Variants in DOCK8 observed in about 807,000 individuals in gnomAD.
DOCK8 encodes dedicator of cytokinesis 8.
A neutral mutation model predicts 245.6 loss-of-function variants in DOCK8; 141 were observed. That is an observed-to-expected ratio of 0.57 (90% confidence interval 0.50 to 0.66). The LOEUF is 0.66. Ranked by LOEUF, DOCK8 falls within the 30% of genes least tolerant of loss-of-function variation. DOCK8 has a pLI of 0.00. For missense variants in DOCK8, 2,965 were observed against 2,603.4 expected, an observed-to-expected ratio of 1.14 and a Z score of -3.02; for synonymous variants, 1,168 against 970.2, an observed-to-expected ratio of 1.20 and a Z score of -3.79.
chr9:388,806 G>A (rs986160386), intron 23 of DOCK8, among the ~76,000 whole-genome samples: 14 of 151,788 alleles, frequency 9.2e-5, no homozygotes, highest in African/African-American at 3.2e-4. Flanking sequence ...CTGCCTCCTC[G>A]GCCTCCCAAA....
At chr9:230,013 C>A (rs1258873437) in intron 1 of DOCK8, among the ~76,000 whole-genome samples, 1 of 151,344 alleles carries the variant, frequency 6.6e-6, no homozygotes, top group African/African-American at 2.4e-5. Context: ...ATTAACTCAT[C>A]ATTTAGCATT....
chr9:382,278 A>C (rs1228700396), intron 21 of DOCK8, among the ~76,000 whole-genome samples: 1 of 152,124 alleles, frequency 6.6e-6, no homozygotes, highest in Non-Finnish European at 1.5e-5. Context: ...CCTTTGTAAG[A>C]GGCATGTGTT....
chr9:389,572 C>T (rs1482221522), intron 23 of DOCK8, among the ~76,000 whole-genome samples: 1 of 150,954 alleles, frequency 6.6e-6, no homozygotes, highest in Non-Finnish European at 1.5e-5. Flanking sequence ...AGACAGTGGT[C>T]CCTAAAGTGT....
chr9:272,536 C>T (rs2048191427), intron 2 of DOCK8, among the ~76,000 whole-genome samples: 2 of 152,144 alleles, frequency 1.3e-5, no homozygotes, highest in African/African-American at 2.4e-5. Context: ...CAGGCGCATG[C>T]CACCACACCT....
upstream of DOCK8, chr9:213,486 ATTAACT>A (rs1345804616): frequency 6.6e-6 from 1 of 152,234 alleles, no homozygotes; most frequent in Non-Finnish European, 1.5e-5. Context: ...AACAGGTGAA[ATTAACT>A]TTAATAATAT....
chr9:285,707 C>G (rs1450588290), intron 2 of DOCK8, among the ~76,000 whole-genome samples: 2 of 152,114 alleles, frequency 1.3e-5, no homozygotes, highest in Non-Finnish European at 2.9e-5. Context: ...CCATCAATTT[C>G]TATTATTTCT....
chr9:341,033 A>G (rs1164172494), intron 14 of DOCK8, among the ~76,000 whole-genome samples: 2 of 152,262 alleles, frequency 1.3e-5, no homozygotes, highest in Non-Finnish European at 2.9e-5. Flanking sequence ...ATTTACAGCA[A>G]TAACATAATA....
chr9:267,815 G>A (rs958132162), intron 1 of DOCK8, among the ~76,000 whole-genome samples: 2 of 152,044 alleles, frequency 1.3e-5, no homozygotes, highest in African/African-American at 4.8e-5. Flanking sequence ...GGATGCTTTG[G>A]TTATTTCTAA....
rs752581736 is a variant in DOCK8, at chr9:325,674, C to T, written c.831C>T (p.Phe277=). 3.2e-5 allele frequency: 51 copies of T among 1,613,512 alleles called. No individual in the cohort carries two copies. Among genetic ancestry groups the T allele is most frequent in the East Asian group, 1.1e-4 (5 of 44,870 alleles). ...TTTTCCTCTCTTTCTATGGTAGGTT[C>T]GAGATTGAAATTGAGCCCCTGTTTG... The part of the protein sequence containing the change: ...RILVKLLTLK[F]EIEIEPLFAS... Residue 277 remains phenylalanine (F), a synonymous_variant, in exon 8 of 48, where the codon TTC becomes TTT. Transcript: ENST00000432829.
chr9:404,466 A>T (rs1564022616), intron 26 of DOCK8, among the ~76,000 whole-genome samples: 1 of 152,198 alleles, frequency 6.6e-6, no homozygotes, highest in South Asian at 2.1e-4. Context: ...TGGGGCCTTT[A>T]ATTAGAAACT....
chr9:355,665 A>G (rs1306091920), intron 14 of DOCK8, among the ~76,000 whole-genome samples: 1 of 152,226 alleles, frequency 6.6e-6, no homozygotes, highest in African/African-American at 2.4e-5. Context: ...TTACCTAGAA[A>G]GCAGATTCTC....
intron 14 of DOCK8, among the ~76,000 whole-genome samples, chr9:342,876 A>G (rs957643796): frequency 6.6e-6 from 1 of 152,184 alleles, no homozygotes; most frequent in Non-Finnish European, 1.5e-5. Context: ...AGCTCTTACA[A>G]ACACTATGAA....
In DOCK8 at chr9:307,338, G is replaced by GTTTTTTTTTTT. The variant is rs1165775428; in HGVS notation, c.528+2662_528+2672dup. ...CACTGTGTTGTGTGTGGTTTTTTTTGTTTTTTTTTTTTTTTTTTTTTTTTT... is the reference window on the plus strand; with the variant it reads ...CACTGTGTTGTGTGTGGTTTTTTTTGTTTTTTTTTTTTTTTTTTTTTTTTTTTTTTTTTTTT... On this transcript the variant is annotated intron_variant, in intron 5 of 47. Coordinates refer to ENST00000432829, the MANE Select transcript of DOCK8 (RefSeq NM_203447.4). Among the ~76,000 whole-genome samples, 41 of 51,230 alleles carry GTTTTTTTTTTT rather than the reference G, an allele frequency of 8.0e-4. 1 individual carries two copies. Among genetic ancestry groups the GTTTTTTTTTTT allele is most frequent in the African/African-American group, 2.0e-3 (34 of 17,320 alleles). The allele number at this position is 51,230 out of a possible 152,430, so 33.6% of individuals were successfully genotyped here. A position where few individuals can be genotyped will look rare whatever the true frequency, so the allele number is the denominator to read the frequency against.
At chr9:227,317 T>C (rs961258066) in intron 1 of DOCK8, among the ~76,000 whole-genome samples, 2 of 152,234 alleles carry the variant, frequency 1.3e-5, no homozygotes, top group Admixed American at 1.3e-4. Context: ...GTAGAGGTTT[T>C]GTTTAAGACG....
At chr9:254,570 T>C (rs1215667775) in intron 1 of DOCK8, among the ~76,000 whole-genome samples, 16 of 152,214 alleles carry the variant, frequency 1.1e-4, no homozygotes, top group Non-Finnish European at 2.4e-4. Context: ...GTTTACATAG[T>C]AGTAAGAAGG....
chr9:243,884 T>C (rs953951495), intron 1 of DOCK8, among the ~76,000 whole-genome samples: 12 of 152,074 alleles, frequency 7.9e-5, no homozygotes, highest in Non-Finnish European at 1.8e-4. Context: ...CTTATTGACA[T>C]GATTTTAATG....
chr9:459,133 G>C (rs1054761188), intron 46 of DOCK8, among the ~76,000 whole-genome samples: 1 of 152,234 alleles, frequency 6.6e-6, no homozygotes, highest in Non-Finnish European at 1.5e-5. Flanking sequence ...CAGCACAGAT[G>C]TTTGTGGACC....
rs187619972 is a variant in DOCK8, at chr9:275,754, A to G, written c.156+4025A>G. On this transcript the variant is annotated intron_variant, in intron 2 of 47. Coordinates refer to ENST00000432829, the MANE Select transcript of DOCK8 (RefSeq NM_203447.4). ...CAGGCGTGCACCACCACAACTGGCT[A>G]ATTTTTGTACTTTTAGTAGAGACAG... Among the ~76,000 whole-genome samples, 6 of 152,034 alleles carry G rather than the reference A, an allele frequency of 3.9e-5. No homozygotes were observed. In the East Asian group the frequency reaches 1.2e-3, roughly 29 times the overall value.
rs67656414 is a variant in DOCK8, at chr9:390,239, G to A, written c.2875-232G>A. Among the ~76,000 whole-genome samples the A allele has an allele frequency of 0.016, 2,379 of 152,234 alleles. 67 individuals are homozygous for A. Among genetic ancestry groups the A allele is most frequent in the African/African-American group, 0.053 (2,191 of 41,540 alleles). On this transcript the variant is annotated intron_variant, in intron 23 of 47. Transcript: ENST00000432829. The stretch of plus-strand genomic sequence containing the variant: ...AGGCTGAGTCCACTCCCTCAGATGT[G>A]TCTGTCCTGTGCAGCACTGACCCCA...
Sources: allele counts gnomAD v4.1 joint callset (sites outside exome capture counted in the v4.1 genomes callset), GRCh38; gene constraint gnomAD v4.1.1; transcripts MANE v1.5; gene names NCBI Gene and HGNC (gene_info 2026-07-23, HGNC 2026-07-21).